SPATA1: variants seen among roughly 807,000 people sequenced by gnomAD.
The protein encoded by SPATA1 is spermatogenesis-associated protein 1.
SPATA1 carries 57 observed loss-of-function variants against 59.6 expected under a neutral mutation model. The observed-to-expected ratio is 0.96, with a 90% CI of 0.77 to 1.19. SPATA1 has a LOEUF of 1.19. SPATA1 is among the 50% of genes most tolerant of loss of function. The pLI, the probability that SPATA1 is intolerant of heterozygous loss-of-function variation, is 0.00. For synonymous variants in SPATA1, 147 were observed against 163.9 expected (o/e 0.90, Z 0.79); for missense variants, 448 against 480.7 (o/e 0.93, Z 0.64).
chr1:84,565,856 T>C lies in SPATA1; in HGVS notation n.443-5T>C. On this transcript the variant is annotated splice_region_variant and splice_polypyrimidine_tract_variant and intron_variant and non_coding_transcript_variant, in intron 4 of 4. Coordinates refer to the SPATA1 transcript ENST00000460286. Reference sequence around the variant, plus strand: ...AGAGTCTTACCAGTTAATGTCTGATTATAGGGAGCATTGGCTGCTGCAATA... The same window carrying C: ...AGAGTCTTACCAGTTAATGTCTGATCATAGGGAGCATTGGCTGCTGCAATA... The C allele has an allele frequency of 6.4e-7, 1 of 1,555,256 alleles. No individual in the cohort carries two copies. The highest frequency in any genetic ancestry group is 8.7e-7 in the Non-Finnish European group (1 of 1,154,014).
chr1:84,532,067 A>G (rs1683493031), intron 6 of SPATA1, among the ~76,000 whole-genome samples: 1 of 152,234 alleles, frequency 6.6e-6, no homozygotes, highest in South Asian at 2.1e-4. Context: ...ATTTTGTTAA[A>G]ATGAAGGGAG....
intron 6 of SPATA1, among the ~76,000 whole-genome samples, chr1:84,528,444 G>T (rs1180222061): frequency 6.6e-6 from 1 of 152,110 alleles, no homozygotes; most frequent in Non-Finnish European, 1.5e-5. Context: ...ATATATCCCT[G>T]ATAATATAGT....
chr1:84,517,671 C>A (rs1191099940), intron 2 of SPATA1, among the ~76,000 whole-genome samples: 3 of 152,000 alleles, frequency 2.0e-5, no homozygotes, highest in Non-Finnish European at 4.4e-5. Context: ...CTACTTGACT[C>A]TTCTTTCAAA....
At chr1:84,544,269 C>T (rs1462201233) in exon 9 of SPATA1, 6 of 1,590,314 alleles carry the variant, frequency 3.8e-6, no homozygotes, top group Non-Finnish European at 5.1e-6. Context: ...GTTCTTTCTT[C>T]AGGAATAACT....
intron 4 of SPATA1, chr1:84,563,725 C>T (rs372080257): frequency 1.3e-6 from 2 of 1,491,176 alleles, no homozygotes; most frequent in African/African-American, 1.4e-5. Flanking sequence ...TAACAAATGA[C>T]TGTTCCTACC....
chr1:84,543,449 G>C (rs931611792), intron 8 of SPATA1, among the ~76,000 whole-genome samples: 3 of 152,102 alleles, frequency 2.0e-5, no homozygotes, highest in Non-Finnish European at 4.4e-5. Context: ...ATCTGCTTCT[G>C]GGGAGGCCTC....
intron 4 of SPATA1, among the ~76,000 whole-genome samples, chr1:84,562,424 T>C (rs1324804668): frequency 6.6e-6 from 1 of 152,238 alleles, no homozygotes; most frequent in Non-Finnish European, 1.5e-5. Context: ...TGTATATCAA[T>C]TATAATTTAT....
At chr1:84,558,512 C>G (rs1005068326), downstream of SPATA1, among the ~76,000 whole-genome samples, 1 of 150,842 alleles carries the variant, frequency 6.6e-6, no homozygotes, top group Non-Finnish European at 1.5e-5. Flanking sequence ...GGGATGGTCT[C>G]GATCTCCTGA....
At chr1:84,522,268 A>G (rs537480288) in intron 3 of SPATA1, 122 bp from the exon 4 acceptor site, 24 of 465,250 alleles carry the variant, frequency 5.2e-5, no homozygotes, top group Non-Finnish European at 5.6e-5. Context: ...TAATATGTTA[A>G]GCTATATCTG....
chr1:84,541,008 G>T (rs1055706009), intron 8 of SPATA1, among the ~76,000 whole-genome samples: 12 of 152,118 alleles, frequency 7.9e-5, no homozygotes, highest in Non-Finnish European at 1.8e-4. Flanking sequence ...TAAAATCCTT[G>T]GCTTATTTCC....
At chr1:84,566,018 G>GA (rs774010827) in exon 5 of SPATA1, 91 of 1,504,882 alleles carry the variant, frequency 6.0e-5, no homozygotes, top group Admixed American at 1.6e-4. Flanking sequence ...GTTACCTGTG[G>GA]AAAAAAATCT....
chr1:84,555,213 T>G (rs1267742896), downstream of SPATA1: 3 of 1,583,288 alleles, frequency 1.9e-6, no homozygotes, highest in Non-Finnish European at 1.7e-6. Flanking sequence ...TATAAATAAA[T>G]TAAAATGGAG....
downstream of SPATA1, among the ~76,000 whole-genome samples, chr1:84,566,888 G>C (rs182939433): frequency 2.9e-4 from 44 of 152,232 alleles, no homozygotes; most frequent in East Asian, 3.3e-3. Flanking sequence ...GCCGATCTCA[G>C]CCTCCCAAAG....
At position 84,551,391 on chromosome 1, in the gene SPATA1, T is replaced by TA. The variant is rs1684267172; in HGVS notation, c.1224+868dup. The stretch of plus-strand genomic sequence containing the variant: ...AATAAAAATAAATAAAATTTAAAAA[T>TA]AAAAAAATAGAATTAGCACTGTCCA... On this transcript the variant is annotated intron_variant, in intron 12 of 12. Coordinates refer to ENST00000490879, the Ensembl canonical transcript of SPATA1. 2.6e-5 allele frequency: 18 copies of TA among 695,062 alleles called. No individual in the cohort carries two copies. The South Asian group carries it at 5.9e-4, about 23-fold the overall frequency. The allele number at this position is 695,062 out of a possible 1,614,324, so 43.1% of individuals were successfully genotyped here. A position where few individuals can be genotyped will look rare whatever the true frequency, so the allele number is the denominator to read the frequency against.
At chr1:84,513,259 C>T (rs986845828) in intron 1 of SPATA1, among the ~76,000 whole-genome samples, 2 of 152,210 alleles carry the variant, frequency 1.3e-5, no homozygotes, top group Non-Finnish European at 2.9e-5. Flanking sequence ...CCTCAGTCTC[C>T]GGAGTAGCTG....
chr1:84,539,176 T>C (rs1036596465), intron 8 of SPATA1, among the ~76,000 whole-genome samples: 3 of 152,152 alleles, frequency 2.0e-5, no homozygotes, highest in African/African-American at 7.2e-5. Context: ...GAATGGAGTC[T>C]GTACAAGCCC....
intron 2 of SPATA1, among the ~76,000 whole-genome samples, chr1:84,519,341 A>C (rs957682726): frequency 6.6e-6 from 1 of 152,064 alleles, no homozygotes. Context: ...TTGAGTGTAA[A>C]TAGAATATTT....
At chr1:84,545,246 A>G (rs907744674) in intron 9 of SPATA1, among the ~76,000 whole-genome samples, 1 of 148,486 alleles carries the variant, frequency 6.7e-6, no homozygotes, top group African/African-American at 2.5e-5. Flanking sequence ...TATATATCAT[A>G]TATATATCAT....
At chr1:84,509,490 A>G (rs768199213) in intron 1 of SPATA1, among the ~76,000 whole-genome samples, 31 of 152,246 alleles carry the variant, frequency 2.0e-4, no homozygotes, top group Non-Finnish European at 4.0e-4. Flanking sequence ...GAGTTGGGGC[A>G]TGGTGGCTTA....
Sources: gnomAD v4.1 joint callset for allele counts (sites outside exome capture counted in the v4.1 genomes callset) on GRCh38, gnomAD v4.1.1 for gene constraint, MANE v1.5 for transcripts, NCBI Gene and HGNC (gene_info 2026-07-23, HGNC 2026-07-21) for gene names.